Variants in NTRK2 observed in about 807,000 individuals in gnomAD.
The protein encoded by NTRK2 is BDNF/NT-3 growth factors receptor.
A neutral mutation model predicts 94.5 loss-of-function variants in NTRK2; 13 were observed. That is an observed-to-expected ratio of 0.14 (90% CI 0.09 to 0.22). NTRK2 has a LOEUF of 0.22. NTRK2 is among the 10% of genes least tolerant of loss of function. The pLI is 1.00. For missense variants in NTRK2, 639 were observed against 1,071.2 expected (o/e 0.60, Z 5.63); for synonymous variants, 372 against 407.4 (o/e 0.91, Z 1.05).
At chr9:84,785,151 G>A (rs1364214467) in intron 12 of NTRK2, among the ~76,000 whole-genome samples, 1 of 152,162 alleles carries the variant, frequency 6.6e-6, no homozygotes, top group Non-Finnish European at 1.5e-5. Context: ...AACAGATGAT[G>A]TTAGCAGTGA....
chr9:84,682,828 A>G (rs1385787885), intron 2 of NTRK2, among the ~76,000 whole-genome samples: 1 of 152,236 alleles, frequency 6.6e-6, no homozygotes, highest in East Asian at 1.9e-4. Flanking sequence ...TATCTTAAAA[A>G]TGTTTCTGGA....
At chr9:84,871,056 G>A (rs1026076927) in intron 14 of NTRK2, among the ~76,000 whole-genome samples, 2 of 152,106 alleles carry the variant, frequency 1.3e-5, no homozygotes, top group African/African-American at 4.8e-5. Flanking sequence ...TACTAGGAAC[G>A]AGAGATCTCT....
At chr9:84,788,960 C>CA (rs531745490) in intron 12 of NTRK2, among the ~76,000 whole-genome samples, 114 of 152,288 alleles carry the variant, frequency 7.5e-4, no homozygotes, top group African/African-American at 2.4e-3. Context: ...GCTGCGTGCT[C>CA]ACCAGAGCCA....
intron 6 of NTRK2, among the ~76,000 whole-genome samples, chr9:84,718,016 C>G (rs987913460): frequency 6.6e-6 from 1 of 150,680 alleles, no homozygotes; most frequent in Non-Finnish European, 1.5e-5. Flanking sequence ...TCTCCTTCTT[C>G]TTCTTCCTCT....
intron 14 of NTRK2, among the ~76,000 whole-genome samples, chr9:84,926,120 T>C (rs1242224988): frequency 2.4e-4 from 10 of 42,210 alleles, no homozygotes; most frequent in African/African-American, 5.6e-4. Flanking sequence ...CTTCCTTCCT[T>C]CCTTCCTTCC....
At chr9:84,682,626 T>C (rs537273821) in intron 2 of NTRK2, among the ~76,000 whole-genome samples, 1 of 152,228 alleles carries the variant, frequency 6.6e-6, no homozygotes, top group South Asian at 2.1e-4. Context: ...CCTCCCACCA[T>C]GTACTCCCAC....
chr9:84,869,717 C>T (rs891325855), intron 14 of NTRK2, among the ~76,000 whole-genome samples: 1 of 152,076 alleles, frequency 6.6e-6, no homozygotes, highest in Non-Finnish European at 1.5e-5. Flanking sequence ...TAGCACAGGA[C>T]GTGGTGTACC....
intron 17 of NTRK2, among the ~76,000 whole-genome samples, chr9:85,014,006 G>T (rs1034460704): frequency 1.3e-5 from 2 of 152,162 alleles, no homozygotes; most frequent in Non-Finnish European, 2.9e-5. Context: ...ATTTGCTTTG[G>T]GTCTGTGGAA....
At chr9:84,926,106 T>TTTCCTTCCCTCCTTCC (rs2077760165) in intron 14 of NTRK2, among the ~76,000 whole-genome samples, 2 of 108,780 alleles carry the variant, frequency 1.8e-5, no homozygotes, top group Admixed American at 9.2e-5. Context: ...CCTTCCTTCC[T>TTTCCTTCCCTCCTTCC]TTCCTTCCTT....
chr9:84,699,661 G>GT (rs2060598140), intron 2 of NTRK2, among the ~76,000 whole-genome samples: 1 of 143,098 alleles, frequency 7.0e-6, no homozygotes, highest in Non-Finnish European at 1.5e-5. Flanking sequence ...GCTTATGTGT[G>GT]TGTTTTTTTT....
At chr9:84,676,594 C>T (rs200130038) in intron 2 of NTRK2, among the ~76,000 whole-genome samples, 9 of 152,158 alleles carry the variant, frequency 5.9e-5, no homozygotes, top group African/African-American at 1.7e-4. Flanking sequence ...AGAAAGTTGC[C>T]GAAGGCCGAC....
chr9:84,811,543 C>T lies in NTRK2; in HGVS notation c.1397-49497C>T, dbSNP rs199505557. 1.2e-4 allele frequency: 131 copies of T among 1,065,330 alleles called. 1 individual carries two copies. The African/African-American group carries it at 1.8e-3, about 15-fold the overall frequency. 66.0% of individuals were successfully genotyped at this position (1,065,330 alleles called of 1,614,324 possible). ...ATCTCATGCTGTTTGCATTACAGAACTGCAGCTTTTCTACTCTGAAAAGGC... is the reference window on the plus strand; with the variant it reads ...ATCTCATGCTGTTTGCATTACAGAATTGCAGCTTTTCTACTCTGAAAAGGC... On this transcript the variant is annotated intron_variant, in intron 12 of 18. Coordinates refer to ENST00000277120, the MANE Select transcript of NTRK2 (RefSeq NM_006180.6).
In NTRK2 at chr9:84,817,977, A is replaced by G. The variant is rs184961270; in HGVS notation, c.1397-43063A>G. 1.1e-3 allele frequency among the ~76,000 whole-genome samples: 174 copies of G among 152,336 alleles called. 1 individual carries two copies. Among genetic ancestry groups the G allele is most frequent in the Admixed American group, 4.8e-3 (74 of 15,296 alleles). On this transcript the variant is annotated intron_variant, in intron 12 of 18. Transcript: ENST00000277120. ...TTGATGTATTTCTAGCACTTAATTT[A>G]GGACAATTTTACTATTGCTACCACC...
At chr9:84,902,786 G>A (rs552359666) in intron 14 of NTRK2, among the ~76,000 whole-genome samples, 1 of 152,224 alleles carries the variant, frequency 6.6e-6, no homozygotes, top group African/African-American at 2.4e-5. Flanking sequence ...GGCAGAGAGC[G>A]CTGGTTCAAA....
intron 17 of NTRK2, among the ~76,000 whole-genome samples, chr9:84,956,357 C>G (rs1824124050): frequency 6.6e-6 from 1 of 152,172 alleles, no homozygotes; most frequent in Admixed American, 6.5e-5. Context: ...CACTGATGAC[C>G]TAGAACTGGC....
At chr9:85,005,734 A>C (rs755173905) in intron 17 of NTRK2, among the ~76,000 whole-genome samples, 3 of 152,044 alleles carry the variant, frequency 2.0e-5, no homozygotes, top group Admixed American at 1.3e-4. Flanking sequence ...CTGGAATGTA[A>C]CCTCTTCCCA....
intron 12 of NTRK2, among the ~76,000 whole-genome samples, chr9:84,763,181 G>T (rs960867842): frequency 4.6e-5 from 7 of 152,058 alleles, no homozygotes; most frequent in Non-Finnish European, 8.8e-5. Context: ...TACAGGCTTG[G>T]GATTGCTCTG....
chr9:84,938,491 G>A (rs190763593), intron 15 of NTRK2, among the ~76,000 whole-genome samples: 332 of 152,180 alleles, frequency 2.2e-3, no homozygotes, highest in African/African-American at 7.6e-3. Flanking sequence ...CATGACATAT[G>A]CTATTAAAAC....
chr9:84,844,919 C>T (rs1445899734), intron 12 of NTRK2, among the ~76,000 whole-genome samples: 4 of 152,032 alleles, frequency 2.6e-5, no homozygotes, highest in African/African-American at 9.7e-5. Context: ...CCACCTTGCT[C>T]CTCAAGAATG....
Sources: allele counts gnomAD v4.1 joint callset (sites outside exome capture counted in the v4.1 genomes callset), GRCh38; gene constraint gnomAD v4.1.1; transcripts MANE v1.5; gene names NCBI Gene and HGNC (gene_info 2026-07-23, HGNC 2026-07-21).